The following PAWR variants were observed in gnomAD, a reference collection of about 807,000 sequenced individuals.
PAWR encodes the protein pro-apoptotic WT1 regulator.
Under a neutral mutation model 32.0 loss-of-function variants are expected in PAWR, and 23 were observed. The observed-to-expected ratio is 0.72, with a 90% CI of 0.52 to 1.02. PAWR has a LOEUF of 1.02. PAWR is among the 50% of genes least tolerant of loss of function. The probability of loss-of-function intolerance (pLI) is 0.00; values close to 1 mark genes in which losing one functional copy is unlikely to be tolerated. For synonymous variants in PAWR, 226 were observed against 187.1 expected (o/e 1.21, Z -1.70); for missense variants, 457 against 437.7 (o/e 1.04, Z -0.39).
chr12:79,623,422 A>G (rs1048448310), intron 2 of PAWR, among the ~76,000 whole-genome samples: 1 of 152,220 alleles, frequency 6.6e-6, no homozygotes, highest in Non-Finnish European at 1.5e-5. Context: ...GGTAAGAAGA[A>G]TAGGCGATTT....
chr12:79,664,839 AAT>A (rs964459823), intron 2 of PAWR, among the ~76,000 whole-genome samples: 3 of 152,098 alleles, frequency 2.0e-5, no homozygotes, highest in Non-Finnish European at 2.9e-5. Flanking sequence ...ACAAAAATAA[AAT>A]AGTGATTATT....
At chr12:79,618,518 A>G (rs1874853269) in intron 3 of PAWR, among the ~76,000 whole-genome samples, 1 of 152,196 alleles carries the variant, frequency 6.6e-6, no homozygotes, top group Admixed American at 6.5e-5. Flanking sequence ...CTTACTGTGC[A>G]ATAAAACAGA....
chr12:79,673,850 G>A (rs1397075099), intron 2 of PAWR, among the ~76,000 whole-genome samples: 2 of 152,070 alleles, frequency 1.3e-5, no homozygotes, highest in Non-Finnish European at 2.9e-5. Context: ...TAACCAGGGA[G>A]GTGAAAGATT....
chr12:79,619,710 C>A (rs543711078), intron 3 of PAWR, among the ~76,000 whole-genome samples: 1 of 152,094 alleles, frequency 6.6e-6, no homozygotes, highest in Admixed American at 6.6e-5. Context: ...AATTAGATCT[C>A]CCCCAAATCC....
At chr12:79,619,128 T>C (rs1205131337) in intron 3 of PAWR, among the ~76,000 whole-genome samples, 1 of 152,164 alleles carries the variant, frequency 6.6e-6, no homozygotes, top group East Asian at 1.9e-4. Flanking sequence ...AAACTTTAAG[T>C]TGTGAGTTGT....
chr12:79,653,747 G>A (rs1010918208), intron 2 of PAWR, among the ~76,000 whole-genome samples: 1 of 152,216 alleles, frequency 6.6e-6, no homozygotes, highest in African/African-American at 2.4e-5. Context: ...CCAAAGTACT[G>A]GGATTACAGG....
chr12:79,631,712 T>C (rs1295008597), intron 2 of PAWR, among the ~76,000 whole-genome samples: 1 of 152,202 alleles, frequency 6.6e-6, no homozygotes, highest in African/African-American at 2.4e-5. Context: ...TCTCCTCAAC[T>C]TGATACATAA....
In PAWR at chr12:79,591,202, C is replaced by T. The variant is rs1457042863; in HGVS notation, c.*1405G>A. The T allele has an allele frequency of 6.6e-6, 1 of 152,132 alleles. No individual in the cohort carries two copies. Among genetic ancestry groups the T allele is most frequent in the Non-Finnish European group, 1.5e-5 (1 of 68,030 alleles). 9.4% of individuals were successfully genotyped at this position (152,132 alleles called of 1,614,324 possible). On this transcript the variant is annotated 3_prime_UTR_variant, in exon 7 of 7. Coordinates refer to ENST00000328827, the MANE Select transcript of PAWR (RefSeq NM_002583.4). Reference sequence around the variant, plus strand: ...TTCTGAACTGGGGGAGAAAGCCAACCTAGGTAAATGTAGAGACTTTTAGAA... The same window carrying T: ...TTCTGAACTGGGGGAGAAAGCCAACTTAGGTAAATGTAGAGACTTTTAGAA...
Position 79,632,352 on chromosome 12 carries a change from TATATATA to T in PAWR, c.517-11152_517-11146del, listed in dbSNP as rs1285887071. ...ATATATATATATATATATATATATA[TATATATA>T]TATTTTTTTTTTTTTTTAGACAGGG... is the stretch of plus-strand genomic sequence containing the variant. On this transcript the variant is annotated intron_variant, in intron 2 of 6. Transcript: ENST00000328827. Among the ~76,000 whole-genome samples, 55 of 56,988 alleles carry T rather than the reference TATATATA, an allele frequency of 9.7e-4. 1 individual carries two copies. Among genetic ancestry groups the T allele is most frequent in the South Asian group, 1.4e-3 (3 of 2,114 alleles). 37.4% of individuals were successfully genotyped at this position (56,988 alleles called of 152,430 possible).
chr12:79,632,018 A>C (rs1875649156), intron 2 of PAWR: 1 of 150,634 alleles, frequency 6.6e-6, no homozygotes, highest in Non-Finnish European at 1.5e-5. Flanking sequence ...CTGTAATCTC[A>C]GCTACTCGGG....
chr12:79,673,738 T>G (rs1739554977), intron 2 of PAWR, among the ~76,000 whole-genome samples: 1 of 152,208 alleles, frequency 6.6e-6, no homozygotes, highest in Non-Finnish European at 1.5e-5. Flanking sequence ...TGGTAGCATT[T>G]TTTATTCCTC....
chr12:79,623,791 A>G (rs1875147067), intron 2 of PAWR, among the ~76,000 whole-genome samples: 1 of 152,186 alleles, frequency 6.6e-6, no homozygotes, highest in African/African-American at 2.4e-5. Context: ...AAAAATACAT[A>G]AGATATCAAA....
At chr12:79,675,249 G>A (rs1019276886) in intron 2 of PAWR, among the ~76,000 whole-genome samples, 6 of 152,144 alleles carry the variant, frequency 3.9e-5, no homozygotes, top group Admixed American at 6.5e-5. Flanking sequence ...GCGTGGTGCC[G>A]CACTTGTGTT....
At chr12:79,685,459 A>C (rs1878638928) in intron 2 of PAWR, among the ~76,000 whole-genome samples, 1 of 152,224 alleles carries the variant, frequency 6.6e-6, no homozygotes, top group Non-Finnish European at 1.5e-5. Context: ...TTATGACCTA[A>C]CCTGTGTTCA....
intron 2 of PAWR, among the ~76,000 whole-genome samples, chr12:79,621,655 C>CT (rs1391195386): frequency 2.0e-5 from 3 of 151,944 alleles, no homozygotes; most frequent in Non-Finnish European, 4.4e-5. Context: ...GCTTTATATT[C>CT]TATGAGCATA....
At chr12:79,635,461 A>G (rs1000863006) in intron 2 of PAWR, 2 of 152,224 alleles carry the variant, frequency 1.3e-5, no homozygotes, top group Admixed American at 6.5e-5. Context: ...GAAAGAAAAG[A>G]CCTACACCTT....
chr12:79,623,193 G>A (rs535664051), intron 2 of PAWR, among the ~76,000 whole-genome samples: 2 of 152,056 alleles, frequency 1.3e-5, no homozygotes, highest in South Asian at 2.1e-4. Flanking sequence ...GTCAGTGAAA[G>A]AAATCTGGTA....
At chr12:79,661,809 T>C (rs1442520741) in intron 2 of PAWR, among the ~76,000 whole-genome samples, 1 of 152,124 alleles carries the variant, frequency 6.6e-6, no homozygotes, top group East Asian at 1.9e-4. Context: ...GCTGGGGCCA[T>C]ACACTAAGCA....
Position 79,639,881 on chromosome 12 carries a change from T to TATTCCATTCCATTCCATTCC in PAWR, c.517-18694_517-18675dup, listed in dbSNP as rs71091678. The stretch of plus-strand genomic sequence containing the variant: ...CTATTCCTATTCCTATTCCTATTCC[T>TATTCCATTCCATTCCATTCC]ATTCCATTCCATTCCATTCCATTCC... On this transcript the variant is annotated intron_variant, in intron 2 of 6. Coordinates refer to ENST00000328827, the MANE Select transcript of PAWR (RefSeq NM_002583.4). Among the ~76,000 whole-genome samples the TATTCCATTCCATTCCATTCC allele has an allele frequency of 1.4e-3, 154 of 112,428 alleles. 1 individual carries two copies. The highest frequency in any genetic ancestry group is 7.1e-3 in the African/African-American group (139 of 19,678). The allele number at this position is 112,428 out of a possible 152,430, so 73.8% of individuals were successfully genotyped here. A position where few individuals can be genotyped will look rare whatever the true frequency, so the allele number is the denominator to read the frequency against.
Sources: allele counts gnomAD v4.1 joint callset (sites outside exome capture counted in the v4.1 genomes callset), GRCh38; gene constraint gnomAD v4.1.1; transcripts MANE v1.5; gene names NCBI Gene and HGNC (gene_info 2026-07-23, HGNC 2026-07-21).